OTUD7B: variants seen among roughly 807,000 people sequenced by gnomAD.
OTUD7B encodes the protein OTU deubiquitinase 7B, also known as OTU domain-containing protein 7B.
In OTUD7B, 34 loss-of-function variants were observed where a neutral mutation model predicts 82.2. The observed-to-expected ratio is 0.41, with a 90% CI of 0.31 to 0.55. The LOEUF (loss-of-function observed/expected upper bound fraction) is 0.55. Among genes scored for constraint, OTUD7B ranks in the 20% least tolerant of loss-of-function variants. The pLI is 0.20. For synonymous variants in OTUD7B, 398 were observed against 402.7 expected (o/e 0.99, Z 0.14); for missense variants, 944 against 1,062.1 (o/e 0.89, Z 1.55).
At chr1:150,024,577 TTATAAA>T in the OTUD7B span, among the ~76,000 whole-genome samples, 2 of 152,186 alleles carry the variant, frequency 1.3e-5, no homozygotes, top group South Asian at 2.1e-4. Flanking sequence ...ACAACAAGAA[TTATAAA>T]TATATAAATA....
chr1:149,999,591 T>A (rs782445912), intron 1 of OTUD7B, among the ~76,000 whole-genome samples: 51 of 152,174 alleles, frequency 3.4e-4, no homozygotes, highest in Non-Finnish European at 6.6e-4. Flanking sequence ...GAGCTAGGCA[T>A]GGTGGCACAC....
At chr1:150,052,148 A>G in the OTUD7B span, among the ~76,000 whole-genome samples, 2 of 152,198 alleles carry the variant, frequency 1.3e-5, no homozygotes, top group Non-Finnish European at 2.9e-5. Flanking sequence ...CCTATTCAAC[A>G]TAGTATTGGA....
At chr1:150,025,973 C>T in the OTUD7B span, among the ~76,000 whole-genome samples, 1 of 152,172 alleles carries the variant, frequency 6.6e-6, no homozygotes, top group Admixed American at 6.5e-5. Flanking sequence ...AGCTCTGGAG[C>T]TTGAATGGCC....
chr1:150,024,021 A>C, the OTUD7B span, among the ~76,000 whole-genome samples: 15,659 of 152,224 alleles, frequency 0.1, 1,025 homozygotes, highest in African/African-American at 0.18. Flanking sequence ...TTACCTTCCT[A>C]ATTTTGACAC....
intron 1 of OTUD7B, among the ~76,000 whole-genome samples, chr1:150,002,550 T>TA (rs1208470193): frequency 1.3e-5 from 2 of 152,198 alleles, no homozygotes; most frequent in Non-Finnish European, 2.9e-5. Context: ...GGAATGATGT[T>TA]AAGTCCTTCT....
the OTUD7B span, among the ~76,000 whole-genome samples, chr1:150,059,571 G>C: frequency 2.0e-5 from 3 of 151,462 alleles, no homozygotes; most frequent in Admixed American, 2.0e-4. Flanking sequence ...GTTTTTCCAT[G>C]TTGGTCAGGC....
upstream of OTUD7B, among the ~76,000 whole-genome samples, chr1:150,013,281 C>T (rs1653153892): frequency 6.6e-6 from 1 of 152,186 alleles, no homozygotes; most frequent in South Asian, 2.1e-4. Context: ...GCTCCCTGAG[C>T]TTTTACATCA....
the OTUD7B span, among the ~76,000 whole-genome samples, chr1:150,024,940 C>T: frequency 2.0e-5 from 3 of 152,042 alleles, no homozygotes; most frequent in African/African-American, 4.8e-5. Flanking sequence ...CCCAGCTACT[C>T]GGGAGGCTGA....
intron 1 of OTUD7B, among the ~76,000 whole-genome samples, chr1:149,998,510 G>T (rs1399657496): frequency 6.6e-6 from 1 of 152,292 alleles, no homozygotes; most frequent in African/African-American, 2.4e-5. Flanking sequence ...CAGCTCACTG[G>T]TTCTCCACCT....
the OTUD7B span, among the ~76,000 whole-genome samples, chr1:150,034,351 T>G: frequency 6.6e-6 from 1 of 152,342 alleles, no homozygotes; most frequent in East Asian, 1.9e-4. Flanking sequence ...CATTGCTGCC[T>G]ATTAGGGTCA....
At chr1:149,963,981 G>C (rs900361209) in intron 6 of OTUD7B, 11 of 408,224 alleles carry the variant, frequency 2.7e-5, no homozygotes, top group Non-Finnish European at 4.8e-5. Context: ...AGCACCTACT[G>C]GGGGAAAAGC....
chr1:149,966,661 T>C (rs1649537024), intron 4 of OTUD7B, among the ~76,000 whole-genome samples: 1 of 152,140 alleles, frequency 6.6e-6, no homozygotes, highest in African/African-American at 2.4e-5. Context: ...GTTTTTGAAC[T>C]ACTGAATGAA....
intron 2 of OTUD7B, among the ~76,000 whole-genome samples, chr1:149,974,527 TTCTTC>T (rs1650155240): frequency 1.2e-5 from 1 of 82,776 alleles, no homozygotes; most frequent in South Asian, 5.3e-4. Context: ...TCTTTTATTT[TTCTTC>T]TTTTTTTTTC....
At chr1:149,979,594 A>T (rs1225106597) in intron 1 of OTUD7B, among the ~76,000 whole-genome samples, 2 of 152,234 alleles carry the variant, frequency 1.3e-5, no homozygotes, top group East Asian at 3.8e-4. Flanking sequence ...TTTCAACATC[A>T]TAATTATCAG....
At chr1:149,955,719 G>A (rs782654992) in intron 7 of OTUD7B, among the ~76,000 whole-genome samples, 33 of 151,956 alleles carry the variant, frequency 2.2e-4, no homozygotes, top group Non-Finnish European at 4.4e-4. Flanking sequence ...TATGAATCTC[G>A]GTGCTCCTGT....
intron 1 of OTUD7B, among the ~76,000 whole-genome samples, chr1:149,986,633 C>T (rs1651161251): frequency 6.6e-6 from 1 of 152,320 alleles, no homozygotes; most frequent in Admixed American, 6.5e-5. Flanking sequence ...GAGTCCTCTC[C>T]AACTCTTCCC....
chr1:149,950,977 A>ATTTTTC (rs1648184601), intron 7 of OTUD7B, among the ~76,000 whole-genome samples: 1 of 22,404 alleles, frequency 4.5e-5, no homozygotes, highest in Non-Finnish European at 8.3e-5. Flanking sequence ...TACTTTTTGT[A>ATTTTTC]TTTTTTTTTT....
intron 1 of OTUD7B, among the ~76,000 whole-genome samples, chr1:149,980,432 G>C (rs144672339): frequency 1.3e-3 from 200 of 152,076 alleles, no homozygotes; most frequent in Non-Finnish European, 2.1e-3. Flanking sequence ...TTAAAACACA[G>C]TGTTTGGGCC....
At chr1:150,013,995 T>TATATACACAC (rs1461049513), upstream of OTUD7B, among the ~76,000 whole-genome samples, 2 of 127,084 alleles carry the variant, frequency 1.6e-5, no homozygotes, top group Non-Finnish European at 3.4e-5. Flanking sequence ...CACACATATA[T>TATATACACAC]ACACACATAT....
Sources: allele counts gnomAD v4.1 joint callset (sites outside exome capture counted in the v4.1 genomes callset), GRCh38; gene constraint gnomAD v4.1.1; transcripts MANE v1.5; gene names NCBI Gene and HGNC (gene_info 2026-07-23, HGNC 2026-07-21).